The following CLSTN1 variants were observed in gnomAD, a reference collection of about 807,000 sequenced individuals.
CLSTN1 encodes the protein calsyntenin 1.
Under a neutral mutation model 108.3 loss-of-function variants are expected in CLSTN1, and 28 were observed. The observed-to-expected ratio is 0.26, with a 90% CI of 0.19 to 0.35. CLSTN1 has a LOEUF of 0.35. Ranked by LOEUF, CLSTN1 falls within the 10% of genes least tolerant of loss-of-function variation. CLSTN1 has a pLI of 1.00. For missense variants in CLSTN1, 1,157 were observed against 1,302.6 expected (o/e 0.89, Z 1.72); for synonymous variants, 524 against 534.9 (o/e 0.98, Z 0.28).
chr1:9,806,220 AG>A (rs1557723708), intron 1 of CLSTN1, among the ~76,000 whole-genome samples: 2 of 114,780 alleles, frequency 1.7e-5, no homozygotes, highest in South Asian at 6.8e-4. Flanking sequence ...AACCCAGGGC[AG>A]GGGGGGTGGA....
chr1:9,798,189 AAAAG>A (rs1328048621), intron 1 of CLSTN1, among the ~76,000 whole-genome samples: 1 of 150,704 alleles, frequency 6.6e-6, no homozygotes, highest in African/African-American at 2.4e-5. Context: ...AGGGGAGGGA[AAAAG>A]AAAGAAAAGA....
intron 1 of CLSTN1, among the ~76,000 whole-genome samples, chr1:9,788,035 G>A (rs936238011): frequency 2.6e-5 from 4 of 151,224 alleles, no homozygotes; most frequent in African/African-American, 9.7e-5. Flanking sequence ...AAGGTGGATC[G>A]CTTGAGTTCA....
intron 2 of CLSTN1, among the ~76,000 whole-genome samples, chr1:9,761,411 T>G (rs1264626185): frequency 6.6e-6 from 1 of 152,156 alleles, no homozygotes. Flanking sequence ...GAGAATCACC[T>G]GAGTCTCGGA....
chr1:9,797,361 A>G (rs1654057228), intron 1 of CLSTN1, among the ~76,000 whole-genome samples: 1 of 152,184 alleles, frequency 6.6e-6, no homozygotes, highest in Admixed American at 6.6e-5. Flanking sequence ...CAGGCTGGCC[A>G]TGGTGGCTCA....
Position 9,735,145 on chromosome 1 carries a change from A to G in CLSTN1, c.1913T>C (p.Val638Ala). The G allele has an allele frequency of 1.2e-6, 2 of 1,614,042 alleles. No individual in the cohort carries two copies. The highest frequency in any genetic ancestry group is 1.1e-5 in the South Asian group (1 of 91,070). The change falls in exon 14 of 19, where the codon GTC becomes GCC. Residue 638 changes from valine (V) to alanine (A), a missense_variant. Val to Ala is a moderately conservative substitution (Grantham distance 64). Coordinates refer to ENST00000377298, the MANE Select transcript of CLSTN1 (RefSeq NM_001009566.3). ...CATCACGTAGCCATCTACCGGGGGGACCGAAATGCAGGTGGCCTCGTTAAA... is the reference window on the plus strand; with the variant it reads ...CATCACGTAGCCATCTACCGGGGGGGCCGAAATGCAGGTGGCCTCGTTAAA... ...KCFNEATCIS[V>A]PPVDGYVMVL...
At chr1:9,756,139 A>G (rs1236184145) in intron 3 of CLSTN1, among the ~76,000 whole-genome samples, 1 of 152,228 alleles carries the variant, frequency 6.6e-6, no homozygotes, top group Non-Finnish European at 1.5e-5. Flanking sequence ...TGTCGATGTG[A>G]AACTCCACAA....
intron 11 of CLSTN1, among the ~76,000 whole-genome samples, chr1:9,736,893 C>A (rs189907943): frequency 6.6e-6 from 1 of 152,008 alleles, no homozygotes; most frequent in Non-Finnish European, 1.5e-5. Context: ...GCGAACATGG[C>A]GAAACCCCGT....
intron 1 of CLSTN1, among the ~76,000 whole-genome samples, chr1:9,797,402 G>A (rs1242518731): frequency 6.6e-6 from 1 of 152,198 alleles, no homozygotes. Context: ...TGGAGGCTAA[G>A]GTGGGGACAA....
At chr1:9,736,078 G>A (rs761091544) in intron 11 of CLSTN1, 36 bp from the exon 12 acceptor site, 1 of 1,613,288 alleles carries the variant, frequency 6.2e-7, no homozygotes, top group East Asian at 2.2e-5. Flanking sequence ...AGTCAGGCGT[G>A]CAACCCAGCA....
chr1:9,824,113 G>C (rs1236065746), upstream of CLSTN1: 1 of 146,166 alleles, frequency 6.8e-6, no homozygotes, highest in African/African-American at 2.5e-5. The surrounding 1 kb of genome is among the most constrained non-coding windows in gnomAD (Gnocchi z 5.0). Context: ...GGAGAGGAGC[G>C]GAGGGAGCGC....
At chr1:9,793,102 T>G (rs976074791) in intron 1 of CLSTN1, among the ~76,000 whole-genome samples, 3 of 151,274 alleles carry the variant, frequency 2.0e-5, no homozygotes, top group African/African-American at 7.3e-5. Context: ...AACCTCCACC[T>G]TCCAGATTCA....
intron 1 of CLSTN1, among the ~76,000 whole-genome samples, chr1:9,788,277 T>G (rs1035631580): frequency 2.0e-5 from 3 of 151,026 alleles, no homozygotes; most frequent in African/African-American, 7.3e-5. Context: ...AATAAAGAAT[T>G]TGACCATTCT....
At chr1:9,769,880 A>G (rs144905469) in intron 2 of CLSTN1, among the ~76,000 whole-genome samples, 6 of 151,746 alleles carry the variant, frequency 4.0e-5, no homozygotes, top group African/African-American at 1.5e-4. Flanking sequence ...AATACAAAAA[A>G]TTAGCCGGGC....
chr1:9,805,581 T>C (rs982088682), intron 1 of CLSTN1, among the ~76,000 whole-genome samples: 1 of 152,124 alleles, frequency 6.6e-6, no homozygotes, highest in Non-Finnish European at 1.5e-5. Context: ...AAATGTGTTA[T>C]TTAGGTTGGG....
chr1:9,743,802 C>T (rs1247087650), intron 9 of CLSTN1, 82 bp downstream of exon 9: 8 of 1,516,482 alleles, frequency 5.3e-6, no homozygotes, highest in South Asian at 1.2e-5. Flanking sequence ...AAGCAATCCT[C>T]GTGCCCCAGC....
chr1:9,802,824 T>TA (rs1491510108), intron 1 of CLSTN1, among the ~76,000 whole-genome samples: 1 of 10,866 alleles, frequency 9.2e-5, no homozygotes, highest in Non-Finnish European at 1.9e-3. Flanking sequence ...TTTTCTTAGA[T>TA]TTTTTTTTTT....
rs576725063 is a variant in CLSTN1 at position 9,731,025 on chromosome 1, C to T, written c.2748+181G>A. On this transcript the variant is annotated intron_variant, in intron 18 of 18. Transcript: ENST00000377298. ...GCTCTTCTCTACACTTAAGGCAGAACGGCCTTGAATAAGGTCTCTCTCAGC... is the reference window on the plus strand; with the variant it reads ...GCTCTTCTCTACACTTAAGGCAGAATGGCCTTGAATAAGGTCTCTCTCAGC... 274 of 696,688 alleles carry T rather than the reference C, an allele frequency of 3.9e-4. 2 individuals carry two copies. In the South Asian group the frequency reaches 4.1e-3, roughly 10 times the overall value. The allele number at this position is 696,688 out of a possible 1,614,324, so 43.2% of individuals were successfully genotyped here. A position where few individuals can be genotyped will look rare whatever the true frequency, so the allele number is the denominator to read the frequency against.
intron 1 of CLSTN1, among the ~76,000 whole-genome samples, chr1:9,776,862 T>TTATCTATCATCTATCAGCATCTATCTATC (rs1553179995): frequency 2.9e-5 from 4 of 140,020 alleles, no homozygotes; most frequent in African/African-American, 1.2e-4. Flanking sequence ...CTATCAGCAT[T>TTATCTATCATCTATCAGCATCTATCTATC]TATCTATCTA....
In CLSTN1 at chr1:9,767,544, C is replaced by CAA. The variant is rs764744601; in HGVS notation, c.214+5726_214+5727dup. 7.0e-3 allele frequency among the ~76,000 whole-genome samples: 751 copies of CAA among 107,830 alleles called. 14 individuals are homozygous for CAA. The highest frequency in any genetic ancestry group is 0.022 in the African/African-American group (682 of 30,984). 70.7% of individuals were successfully genotyped at this position (107,830 alleles called of 152,430 possible). On this transcript the variant is annotated intron_variant, in intron 2 of 18. Transcript: ENST00000377298. ...TGGGCAACAGAGCAAGACTCCATCT[C>CAA]AAAAAAAAAAAAAAAACCTGCTGAA... is the stretch of plus-strand genomic sequence containing the variant.
Sources: gnomAD v4.1 joint callset for allele counts (sites outside exome capture counted in the v4.1 genomes callset) on GRCh38, gnomAD v4.1.1 for gene constraint, Gnocchi (gnomAD v3.1) non-coding constraint, MANE v1.5 for transcripts, NCBI Gene and HGNC (gene_info 2026-07-23, HGNC 2026-07-21) for gene names.